The following GALNT9 variants were observed in gnomAD, a reference collection of about 807,000 sequenced individuals.
GALNT9 encodes polypeptide N-acetylgalactosaminyltransferase 9.
Under a neutral mutation model 63.1 loss-of-function variants are expected in GALNT9, and 47 were observed. The ratio of observed to expected loss-of-function variants is 0.75; its 90% CI spans 0.59 to 0.95. The LOEUF (loss-of-function observed/expected upper bound fraction) is 0.95. Among genes scored for constraint, GALNT9 ranks in the 40% least tolerant of loss-of-function variants. The pLI is 0.00. For missense variants in GALNT9, 829 were observed against 874.8 expected (o/e 0.95, Z 0.66); for synonymous variants, 396 against 365.7 (o/e 1.08, Z -0.94).
rs1278671615 is a variant in GALNT9, at chr12:132,236,065, T to C, written c.1077+11845A>G. 2.1e-5 allele frequency among the ~76,000 whole-genome samples: 1 copy of C among 48,226 alleles called. No individual in the cohort carries two copies. Among genetic ancestry groups the C allele is most frequent in the South Asian group, 1.1e-3 (1 of 900 alleles). The allele number at this position is 48,226 out of a possible 152,430, so 31.6% of individuals were successfully genotyped here. A position where few individuals can be genotyped will look rare whatever the true frequency, so the allele number is the denominator to read the frequency against. On this transcript the variant is annotated intron_variant, in intron 6 of 10. Coordinates refer to ENST00000328957, the MANE Select transcript of GALNT9 (RefSeq NM_001122636.2). This position sits in a 1 kb window ranked among gnomAD's most constrained non-coding sequence, Gnocchi z 5.6. ...CAACCCTCGGGACAGGGCAGGAGGG[T>C]CCCCCGGGCTGGAGTTCAACCCTCG...
At chr12:132,199,094 CCTCTGCCCCAGGGTGTAGGGTCCGGGT>C (rs1875783198) in intron 9 of GALNT9, 53 bp downstream of exon 9, 1 of 922,040 alleles carries the variant, frequency 1.1e-6, no homozygotes, top group South Asian at 1.4e-5. Context: ...TGGACCCGTG[CCTCTGCCCCAGGGTGTAGGGTCCGGGT>C]GGCCTGGGGT....
chr12:132,268,505 T>C (rs1432443907), intron 2 of GALNT9, among the ~76,000 whole-genome samples: 2 of 152,218 alleles, frequency 1.3e-5, no homozygotes, highest in Non-Finnish European at 2.9e-5. Context: ...TTCTTCACTA[T>C]GGCAACAAAA....
At chr12:132,268,083 GCACACAAACCCACACGCGCACTCACA>G (rs1474422740) in intron 2 of GALNT9, among the ~76,000 whole-genome samples, 1 of 139,106 alleles carries the variant, frequency 7.2e-6, no homozygotes, top group Non-Finnish European at 1.5e-5. Context: ...GCAGTCACAT[GCACACAAACCCACACGCGCACTCACA>G]CACACAAACC....
intron 2 of GALNT9, chr12:132,277,832 G>A (rs61943948): frequency 0.019 from 2,940 of 152,406 alleles, 42 homozygotes; most frequent in South Asian, 0.05. Context: ...GACAGCTGCT[G>A]ACGACCTGGC....
At chr12:132,199,416 T>TGGGAC in intron 8 of GALNT9, 147 bp from the exon 9 acceptor site, 1 of 606,122 alleles carries the variant, frequency 1.6e-6, no homozygotes, top group Admixed American at 2.8e-5. Flanking sequence ...CCGGGTGGGC[T>TGGGAC]GCCTGGGAAG....
chr12:132,255,012 C>T (rs1879059565), intron 5 of GALNT9, among the ~76,000 whole-genome samples: 1 of 152,202 alleles, frequency 6.6e-6, no homozygotes, highest in Non-Finnish European at 1.5e-5. Flanking sequence ...ATCATTTTCA[C>T]ATAAAATAAG....
At chr12:132,218,935 T>C (rs186840836) in intron 6 of GALNT9, among the ~76,000 whole-genome samples, 12 of 152,094 alleles carry the variant, frequency 7.9e-5, no homozygotes, top group Middle Eastern at 6.8e-3. Flanking sequence ...GTAGCACCAA[T>C]CTCATCTGGA....
At chr12:132,307,248 A>G (rs1881648205) in intron 1 of GALNT9, among the ~76,000 whole-genome samples, 1 of 152,198 alleles carries the variant, frequency 6.6e-6, no homozygotes, top group Non-Finnish European at 1.5e-5. Context: ...AGGAAGTGCC[A>G]GTGTACAGAT....
intron 6 of GALNT9, among the ~76,000 whole-genome samples, chr12:132,230,945 A>G (rs962538775): frequency 0.03 from 4,580 of 152,252 alleles, 203 homozygotes; most frequent in African/African-American, 0.1. Flanking sequence ...GGCACTGGAA[A>G]AGTAGTGACA....
intron 2 of GALNT9, among the ~76,000 whole-genome samples, chr12:132,271,977 A>G (rs1265864186): frequency 3.3e-5 from 5 of 152,092 alleles, no homozygotes; most frequent in African/African-American, 1.2e-4. Flanking sequence ...ACGTTTGCCA[A>G]CTGACCAAAC....
chr12:132,324,898 C>T (rs1379703092), intron 1 of GALNT9, among the ~76,000 whole-genome samples: 2 of 152,250 alleles, frequency 1.3e-5, no homozygotes, highest in Non-Finnish European at 2.9e-5. Flanking sequence ...GCAACCTGAC[C>T]ACCCCTTCCC....
rs1555236981 is a variant in GALNT9, at chr12:132,240,906, C to A, written c.1077+7004G>T. ...ATTACACACACACCACACACCCTTC[C>A]CGGGGCCCTCCCTATCCCCATTACA... is the stretch of plus-strand genomic sequence containing the variant. On this transcript the variant is annotated intron_variant, in intron 6 of 10. Transcript: ENST00000328957. Among the ~76,000 whole-genome samples the A allele has an allele frequency of 2.1e-5, 3 of 145,334 alleles. 1 individual carries two copies.
chr12:132,249,902 C>T (rs1055731998), intron 5 of GALNT9, among the ~76,000 whole-genome samples: 4 of 152,182 alleles, frequency 2.6e-5, no homozygotes, highest in Non-Finnish European at 5.9e-5. Context: ...ACGCGGGGCA[C>T]AGGGGTGCAG....
rs1460163601 is a variant in GALNT9, at chr12:132,327,364, C to T, written c.238+1602G>A. 6.6e-6 allele frequency among the ~76,000 whole-genome samples: 1 copy of T among 151,916 alleles called. No homozygotes were observed. ...AATGTCAGCAAAGCGGATCATGGGT[C>T]CTGGCTTTTTCCACCACCAAGAATC... On this transcript the variant is annotated intron_variant, in intron 1 of 10. Coordinates refer to ENST00000328957, the MANE Select transcript of GALNT9 (RefSeq NM_001122636.2). This position sits in a 1 kb window ranked among gnomAD's most constrained non-coding sequence, Gnocchi z 4.3.
intron 1 of GALNT9, among the ~76,000 whole-genome samples, chr12:132,308,673 G>A (rs977169706): frequency 8.5e-5 from 13 of 152,228 alleles, no homozygotes; most frequent in South Asian, 4.1e-4. Context: ...CTGGCACCTC[G>A]GGGTGCCCAT....
intron 1 of GALNT9, among the ~76,000 whole-genome samples, chr12:132,291,367 ACGTC>A: frequency 1.0e-5 from 1 of 95,550 alleles, no homozygotes. Flanking sequence ...CACAGCACCC[ACGTC>A]CACAGCACCC....
intron 2 of GALNT9, among the ~76,000 whole-genome samples, chr12:132,271,992 G>T (rs1488392179): frequency 6.6e-6 from 1 of 152,138 alleles, no homozygotes; most frequent in African/African-American, 2.4e-5. Flanking sequence ...CCAAACTCCA[G>T]TCACCAGCCA....
intron 6 of GALNT9, among the ~76,000 whole-genome samples, chr12:132,209,679 T>TC (rs1876872269): frequency 6.6e-6 from 1 of 151,662 alleles, no homozygotes; most frequent in African/African-American, 2.4e-5. Flanking sequence ...TAAAAGACAC[T>TC]CCCCCCAGCA....
chr12:132,267,511 C>T (rs1210980671), intron 2 of GALNT9, among the ~76,000 whole-genome samples: 1 of 152,202 alleles, frequency 6.6e-6, no homozygotes, highest in Non-Finnish European at 1.5e-5. Context: ...AGAACCTGAG[C>T]AGCTGATTCT....
Sources: allele counts gnomAD v4.1 joint callset (sites outside exome capture counted in the v4.1 genomes callset), GRCh38; gene constraint gnomAD v4.1.1; non-coding constraint Gnocchi (gnomAD v3.1); transcripts MANE v1.5; gene names NCBI Gene and HGNC (gene_info 2026-07-23, HGNC 2026-07-21).